Variants in BABAM2 observed in about 807,000 individuals in gnomAD.
BABAM2 encodes BRISC and BRCA1 A complex member 2, also known as BRISC and BRCA1-A complex member 2.
BABAM2 carries 31 observed loss-of-function variants against 54.7 expected under a neutral mutation model. That is an observed-to-expected ratio of 0.57 (90% CI 0.43 to 0.77). The LOEUF is 0.77. Among genes scored for constraint, BABAM2 ranks in the 30% least tolerant of loss-of-function variants. BABAM2 has a pLI of 0.00. For missense variants in BABAM2, 364 were observed against 455.8 expected, an observed-to-expected ratio of 0.80 and a Z score of 1.83; for synonymous variants, 167 against 162.9, an observed-to-expected ratio of 1.03 and a Z score of -0.19.
intron 10 of BABAM2, among the ~76,000 whole-genome samples, chr2:28,252,752 T>C (rs1193896249): frequency 6.6e-6 from 1 of 152,254 alleles, no homozygotes; most frequent in Non-Finnish European, 1.5e-5. Flanking sequence ...AATGAATTTT[T>C]CCCCTGTACC....
At chr2:28,015,336 T>C (rs765956066) in intron 4 of BABAM2, among the ~76,000 whole-genome samples, 179 of 152,226 alleles carry the variant, frequency 1.2e-3, no homozygotes, top group Non-Finnish European at 1.8e-3. Flanking sequence ...AGAGTAAGGG[T>C]TTTGAAATAT....
chr2:27,979,370 G>T (rs1671842357), intron 3 of BABAM2, among the ~76,000 whole-genome samples: 1 of 151,620 alleles, frequency 6.6e-6, no homozygotes, highest in Non-Finnish European at 1.5e-5. Flanking sequence ...CTCTTGATGG[G>T]CATCTAGGAT....
At chr2:28,178,894 A>G (rs986877935) in intron 7 of BABAM2, among the ~76,000 whole-genome samples, 1 of 152,142 alleles carries the variant, frequency 6.6e-6, no homozygotes, top group Non-Finnish European at 1.5e-5. Flanking sequence ...CCTAGAGGAA[A>G]TAGATACATT....
chr2:28,186,853 T>C (rs1676350208), intron 7 of BABAM2, among the ~76,000 whole-genome samples: 1 of 151,578 alleles, frequency 6.6e-6, no homozygotes, highest in African/African-American at 2.4e-5. Context: ...TCGCCCAGGC[T>C]GGAGTGCAGT....
At chr2:28,129,243 G>T in intron 6 of BABAM2, 28 bp from the exon 7 acceptor site, 1 of 1,570,156 alleles carries the variant, frequency 6.4e-7, no homozygotes, top group Non-Finnish European at 8.8e-7. Context: ...AACAGGTGCT[G>T]ATGTTGTGTT....
chr2:28,008,709 G>A (rs1674151777), intron 4 of BABAM2, among the ~76,000 whole-genome samples: 1 of 152,078 alleles, frequency 6.6e-6, no homozygotes, highest in South Asian at 2.1e-4. Context: ...AAGCTATTTG[G>A]CACTTTCCCC....
intron 3 of BABAM2, among the ~76,000 whole-genome samples, chr2:27,944,819 C>G (rs987542232): frequency 1.7e-4 from 26 of 152,098 alleles, no homozygotes; most frequent in African/African-American, 6.0e-4. Flanking sequence ...AAAGTAGTTG[C>G]ACTATTTTAC....
intron 3 of BABAM2, among the ~76,000 whole-genome samples, chr2:27,964,274 C>A (rs1162052037): frequency 6.6e-6 from 1 of 152,182 alleles, no homozygotes; most frequent in Non-Finnish European, 1.5e-5. Context: ...CTTGACCGCT[C>A]AAACTTGAAC....
At chr2:27,894,911 C>CT (rs376354432) in intron 2 of BABAM2, 8 of 481,724 alleles carry the variant, frequency 1.7e-5, no homozygotes, top group Non-Finnish European at 2.9e-5. Context: ...ATGTTCATGT[C>CT]TTTTTTTCTG....
At chr2:27,909,055 T>A (rs1666393534) in intron 2 of BABAM2, among the ~76,000 whole-genome samples, 1 of 152,148 alleles carries the variant, frequency 6.6e-6, no homozygotes, top group Non-Finnish European at 1.5e-5. Flanking sequence ...TGTTATTATT[T>A]TTTTTGAGAC....
chr2:28,287,684 A>C lies in BABAM2; in HGVS notation c.935-10654A>C, dbSNP rs113895003. Among the ~76,000 whole-genome samples the C allele has an allele frequency of 5.2e-3, 792 of 152,338 alleles. 7 individuals carry two copies. Among genetic ancestry groups the C allele is most frequent in the African/African-American group, 0.018 (760 of 41,570 alleles). ...TGGAAGAAGGCGGGGCTTGGACTGC[A>C]TCACAGAGTTGGAAGCAATAGCAGG... On this transcript the variant is annotated intron_variant, in intron 10 of 11. Transcript: ENST00000379624.
chr2:28,008,278 A>G (rs1024926937), intron 4 of BABAM2, among the ~76,000 whole-genome samples: 8 of 152,182 alleles, frequency 5.3e-5, no homozygotes, highest in African/African-American at 1.4e-4. Context: ...GACACCAATA[A>G]ACACCTGATG....
At chr2:28,144,666 G>A (rs1051516051) in intron 7 of BABAM2, among the ~76,000 whole-genome samples, 5 of 152,166 alleles carry the variant, frequency 3.3e-5, no homozygotes, top group African/African-American at 4.8e-5. Flanking sequence ...GCAGTGATAC[G>A]CTGGCCAGGG....
intron 10 of BABAM2, among the ~76,000 whole-genome samples, chr2:28,279,756 C>T (rs1482680876): frequency 1.3e-5 from 2 of 150,316 alleles, no homozygotes; most frequent in East Asian, 2.0e-4. Context: ...ACCTCTGCCT[C>T]CTGGATTCAA....
intron 2 of BABAM2, among the ~76,000 whole-genome samples, chr2:27,922,789 A>G (rs201687431): frequency 1.3e-5 from 2 of 152,242 alleles, no homozygotes; most frequent in East Asian, 3.8e-4. Flanking sequence ...ACAAATTTGA[A>G]ATTATACTTA....
At chr2:28,044,958 C>T (rs539307162) in intron 5 of BABAM2, among the ~76,000 whole-genome samples, 1 of 150,760 alleles carries the variant, frequency 6.6e-6, no homozygotes, top group Admixed American at 6.6e-5. Flanking sequence ...TCTGCATGAT[C>T]TAGTTTGAAA....
At chr2:27,900,997 T>C (rs1408725552) in intron 2 of BABAM2, among the ~76,000 whole-genome samples, 4 of 147,258 alleles carry the variant, frequency 2.7e-5, no homozygotes, top group African/African-American at 5.1e-5. Context: ...GAGCCGAGAT[T>C]GCACCACTGC....
intron 4 of BABAM2, among the ~76,000 whole-genome samples, chr2:28,000,508 A>G (rs563729271): frequency 6.6e-6 from 1 of 152,248 alleles, no homozygotes; most frequent in East Asian, 1.9e-4. Flanking sequence ...GTTGACCTTA[A>G]TCACTTGGCT....
chr2:28,138,350 C>T (rs1670727014), intron 7 of BABAM2, among the ~76,000 whole-genome samples: 1 of 152,124 alleles, frequency 6.6e-6, no homozygotes, highest in South Asian at 2.1e-4. Flanking sequence ...CAGAGATTAA[C>T]AGTAACCAAA....
Sources: allele counts gnomAD v4.1 joint callset (sites outside exome capture counted in the v4.1 genomes callset), GRCh38; gene constraint gnomAD v4.1.1; transcripts MANE v1.5; gene names NCBI Gene and HGNC (gene_info 2026-07-23, HGNC 2026-07-21).